SIN3A: variants seen among roughly 807,000 people sequenced by gnomAD.
The protein encoded by SIN3A is SIN3 transcription regulator family member A.
SIN3A carries 14 observed loss-of-function variants against 146.1 expected under a neutral mutation model. That is an observed-to-expected ratio of 0.10 (90% CI 0.06 to 0.15). The LOEUF is 0.15. Ranked by LOEUF, SIN3A falls within the 10% of genes least tolerant of loss-of-function variation. SIN3A has a pLI of 1.00. For missense variants in SIN3A, 1,028 were observed against 1,576.0 expected, an observed-to-expected ratio of 0.65 and a Z score of 5.89; for synonymous variants, 572 against 572.0, an observed-to-expected ratio of 1.00 and a Z score of 0.00.
rs182757414 is a variant in SIN3A at position 75,421,548 on chromosome 15, C to T, written c.366+1099G>A. The T allele has an allele frequency of 3.3e-5, 5 of 152,256 alleles. No homozygotes were observed. The East Asian group carries it at 5.8e-4, about 18-fold the overall frequency. 9.4% of individuals were successfully genotyped at this position (152,256 alleles called of 1,614,324 possible). On this transcript the variant is annotated intron_variant, in intron 3 of 20. Coordinates refer to ENST00000394947, the MANE Select transcript of SIN3A (RefSeq NM_001145358.2). ...ACAAGTTCCCAAGAATCCACACCAA[C>T]GAGGGCAGGGATCAAGAAGAACTAA...
intron 20 of SIN3A, among the ~76,000 whole-genome samples, chr15:75,372,504 A>G (rs1181080895): frequency 6.6e-6 from 1 of 152,164 alleles, no homozygotes. Flanking sequence ...ATGCGTTAGT[A>G]TAACCGAGGG....
rs2073611042 is a variant in SIN3A, at chr15:75,410,417, T to C, written c.1009-131A>G. The C allele has an allele frequency of 9.8e-6, 8 of 813,582 alleles. No individual in the cohort carries two copies. In the South Asian group the frequency reaches 1.6e-4, roughly 17 times the overall value. The allele number at this position is 813,582 out of a possible 1,614,324, so 50.4% of individuals were successfully genotyped here. ...AGAAAGTCTATGTTCTTAGCACCCG[T>C]TCTGACCACAGACTTTCAAGTTGAG... On this transcript the variant is annotated intron_variant, in intron 6 of 20. Transcript: ENST00000394947.
intron 1 of SIN3A, among the ~76,000 whole-genome samples, chr15:75,441,903 G>A (rs1203098586): frequency 6.6e-6 from 1 of 151,622 alleles, no homozygotes; most frequent in African/African-American, 2.4e-5. Flanking sequence ...GGTGGATCAC[G>A]AGGTCAGGAG....
intron 20 of SIN3A, among the ~76,000 whole-genome samples, chr15:75,373,243 T>C (rs557608004): frequency 6.6e-6 from 1 of 152,060 alleles, no homozygotes; most frequent in African/African-American, 2.4e-5. Flanking sequence ...CCAGGTGTGG[T>C]GGTGCACGCC....
intron 13 of SIN3A, among the ~76,000 whole-genome samples, chr15:75,395,936 C>T (rs1441374864): frequency 1.3e-5 from 2 of 152,040 alleles, no homozygotes. Context: ...AAACAAACCA[C>T]AAAGATGTTA....
At chr15:75,404,110 CCA>C (rs2073464007) in intron 9 of SIN3A, among the ~76,000 whole-genome samples, 1 of 152,192 alleles carries the variant, frequency 6.6e-6, no homozygotes, top group African/African-American at 2.4e-5. Flanking sequence ...TTGGTGAAGA[CCA>C]CAGACTGCCA....
intron 1 of SIN3A, among the ~76,000 whole-genome samples, chr15:75,451,177 C>G (rs957414444): frequency 2.0e-5 from 3 of 151,048 alleles, no homozygotes; most frequent in Non-Finnish European, 4.4e-5. Flanking sequence ...GCCGGCCCCG[C>G]CTCTGAGCGG....
chr15:75,401,265 T>C (rs2073405954), intron 10 of SIN3A, among the ~76,000 whole-genome samples: 1 of 152,180 alleles, frequency 6.6e-6, no homozygotes, highest in Non-Finnish European at 1.5e-5. Context: ...TAGTGGCTCA[T>C]GCCTGTAATC....
upstream of SIN3A, among the ~76,000 whole-genome samples, chr15:75,455,297 A>T (rs2074473446): frequency 6.6e-6 from 1 of 151,106 alleles, no homozygotes; most frequent in Non-Finnish European, 1.5e-5. Context: ...GGCCCCGCCG[A>T]CCATGCTCGA....
chr15:75,386,979 G>A (rs1435913656), intron 16 of SIN3A, among the ~76,000 whole-genome samples: 1 of 151,998 alleles, frequency 6.6e-6, no homozygotes, highest in African/African-American at 2.4e-5. Context: ...CTAATTTTTT[G>A]TATTTTTAAT....
At chr15:75,451,276 C>T (rs1273091144) in intron 1 of SIN3A, 147 bp downstream of exon 1, 1 of 128,764 alleles carries the variant, frequency 7.8e-6, no homozygotes, top group Non-Finnish European at 1.7e-5. Flanking sequence ...CCGCCCCCCA[C>T]CCCCCTCACA....
intron 10 of SIN3A, among the ~76,000 whole-genome samples, chr15:75,401,404 G>A (rs2073409445): frequency 6.6e-6 from 1 of 151,932 alleles, no homozygotes; most frequent in South Asian, 2.1e-4. Flanking sequence ...TGTGGTGACA[G>A]GCACCTGTAA....
At chr15:75,431,072 G>A (rs963596148) in intron 1 of SIN3A, among the ~76,000 whole-genome samples, 1 of 151,934 alleles carries the variant, frequency 6.6e-6, no homozygotes, top group African/African-American at 2.4e-5. Context: ...CACCGCGCCC[G>A]GCCTCAAGTG....
At position 75,411,695 on chromosome 15, in the gene SIN3A, G is replaced by T; in HGVS notation, c.805C>A (p.Leu269Ile). ...HTPASQQTPP[L>I]PPYASPRSPP... Reference sequence around the variant, plus strand: ...GAACGTGGGGATGCATACGGTGGAAGTGGGGGAGTCTGCTGACTGGCCGGA... The same window carrying T: ...GAACGTGGGGATGCATACGGTGGAATTGGGGGAGTCTGCTGACTGGCCGGA... The change falls in exon 6 of 21, where the codon CTT becomes ATT. Residue 269 changes from leucine (L) to isoleucine (I), a missense_variant. By Grantham distance (5) the Leu-to-Ile change is conservative. Transcript: ENST00000394947. 6.2e-7 allele frequency: 1 copy of T among 1,613,102 alleles called. No individual in the cohort carries two copies. The highest frequency in any genetic ancestry group is 8.5e-7 in the Non-Finnish European group (1 of 1,179,198).
At chr15:75,410,093 T>C (rs772056142) in intron 7 of SIN3A, 41 bp downstream of exon 7, 10 of 1,606,550 alleles carry the variant, frequency 6.2e-6, no homozygotes, top group South Asian at 1.1e-5. Flanking sequence ...TCATCTAAGA[T>C]AATAATAGTA....
chr15:75,409,711 A>G (rs2073593504), intron 8 of SIN3A, 125 bp downstream of exon 8: 1 of 1,034,438 alleles, frequency 9.7e-7, no homozygotes, highest in East Asian at 2.4e-5. Context: ...TGGGCGACAG[A>G]GCGAGACTCG....
intron 11 of SIN3A, among the ~76,000 whole-genome samples, chr15:75,400,449 G>A (rs562782670): frequency 6.6e-6 from 1 of 152,188 alleles, no homozygotes; most frequent in Admixed American, 6.5e-5. Flanking sequence ...TTTTAGCTGG[G>A]TGTGAAGGCA....
At position 75,371,909 on chromosome 15, in the gene SIN3A, A is replaced by T. The variant is rs763714161; in HGVS notation, c.*70T>A. The T allele has an allele frequency of 7.4e-7, 1 of 1,347,206 alleles. No homozygotes were observed. Among genetic ancestry groups the T allele is most frequent in the Non-Finnish European group, 1.1e-6 (1 of 949,634 alleles). 83.5% of individuals were successfully genotyped at this position (1,347,206 alleles called of 1,614,324 possible). A position where few individuals can be genotyped will look rare whatever the true frequency, so the allele number is the denominator to read the frequency against. ...TGAAAGGCATCTTCCTTGTTTCTTC[A>T]GTGTGTGAGTGCATAGGCCCACACA... On this transcript the variant is annotated 3_prime_UTR_variant, in exon 21 of 21. Transcript: ENST00000394947.
At chr15:75,422,286 C>T in intron 3 of SIN3A, 1 of 453,354 alleles carries the variant, frequency 2.2e-6, no homozygotes, top group South Asian at 5.0e-5. Context: ...TATTACTGGG[C>T]CAATTTACTG....
Sources: gnomAD v4.1 joint callset for allele counts (sites outside exome capture counted in the v4.1 genomes callset) on GRCh38, gnomAD v4.1.1 for gene constraint, MANE v1.5 for transcripts, NCBI Gene and HGNC (gene_info 2026-07-23, HGNC 2026-07-21) for gene names.